PLXNA4: variants seen among roughly 807,000 people sequenced by gnomAD.
PLXNA4 encodes plexin A4.
PLXNA4 carries 44 observed loss-of-function variants against 191.8 expected under a neutral mutation model. That is an observed-to-expected ratio of 0.23 (90% CI 0.18 to 0.29). PLXNA4 has a LOEUF of 0.29. PLXNA4 is among the 10% of genes least tolerant of loss of function. PLXNA4 has a pLI of 1.00. For missense variants in PLXNA4, 1,800 were observed against 2,488.8 expected, an observed-to-expected ratio of 0.72 and a Z score of 5.89; for synonymous variants, 1,082 against 1,009.5, an observed-to-expected ratio of 1.07 and a Z score of -1.36.
intron 2 of PLXNA4, 46 bp downstream of exon 2, chr7:132,507,460 T>C: frequency 6.4e-7 from 1 of 1,552,884 alleles, no homozygotes; most frequent in Non-Finnish European, 8.7e-7. Context: ...GGGGTTCTCA[T>C]CCTACACTCC....
chr7:132,460,516 G>T (rs561498723), intron 3 of PLXNA4, among the ~76,000 whole-genome samples: 1 of 152,302 alleles, frequency 6.6e-6, no homozygotes, highest in East Asian at 1.9e-4. Flanking sequence ...GCTTCCCAGA[G>T]GTTCAGGTGG....
intron 2 of PLXNA4, among the ~76,000 whole-genome samples, chr7:132,626,647 G>A (rs764411298): frequency 3.4e-4 from 52 of 152,266 alleles, no homozygotes; most frequent in Admixed American, 4.6e-4. Context: ...AAAGCTCCCT[G>A]AGCCCTCCCT....
At chr7:132,435,663 T>A (rs1795443948) in intron 3 of PLXNA4, among the ~76,000 whole-genome samples, 1 of 152,166 alleles carries the variant, frequency 6.6e-6, no homozygotes, top group Admixed American at 6.5e-5. Context: ...CCACCTGTGT[T>A]CGGCAACACT....
intron 1 of PLXNA4, among the ~76,000 whole-genome samples, chr7:132,646,482 T>G (rs80229001): frequency 6.6e-6 from 1 of 152,226 alleles, no homozygotes; most frequent in Non-Finnish European, 1.5e-5. Flanking sequence ...GATACGGTCA[T>G]GACAGCAGGG....
At chr7:132,477,916 C>T (rs1344159755) in intron 3 of PLXNA4, among the ~76,000 whole-genome samples, 2 of 152,154 alleles carry the variant, frequency 1.3e-5, no homozygotes, top group Admixed American at 1.3e-4. Context: ...CATTATGAGG[C>T]TATTAATTTT....
At chr7:132,330,590 G>T (rs1802552536) in intron 3 of PLXNA4, among the ~76,000 whole-genome samples, 1 of 152,240 alleles carries the variant, frequency 6.6e-6, no homozygotes, top group African/African-American at 2.4e-5. Flanking sequence ...TTGCACTGGG[G>T]ATCCTGCCCA....
intron 28 of PLXNA4, chr7:132,145,596 G>T (rs548405504): frequency 2.7e-6 from 1 of 363,776 alleles, no homozygotes; most frequent in Admixed American, 4.3e-5. Flanking sequence ...TTTCACAAAT[G>T]CTAATGAACA....
intron 9 of PLXNA4, among the ~76,000 whole-genome samples, chr7:132,213,085 GA>G (rs1797855047): frequency 6.6e-6 from 1 of 152,210 alleles, no homozygotes; most frequent in Non-Finnish European, 1.5e-5. Flanking sequence ...AAAAAGGGAG[GA>G]AACTCTGCTA....
At chr7:132,208,670 G>A (rs1051559755) in intron 10 of PLXNA4, among the ~76,000 whole-genome samples, 14 of 152,246 alleles carry the variant, frequency 9.2e-5, no homozygotes, top group Non-Finnish European at 7.3e-5. Context: ...GCTTCCAGAT[G>A]TGAAATTCCC....
At chr7:132,270,648 T>A (rs915195892) in intron 4 of PLXNA4, among the ~76,000 whole-genome samples, 1 of 152,204 alleles carries the variant, frequency 6.6e-6, no homozygotes, top group East Asian at 1.9e-4. Flanking sequence ...AATACCTCTA[T>A]GAAAATTCAG....
At chr7:132,588,164 G>A (rs552344464) in intron 2 of PLXNA4, among the ~76,000 whole-genome samples, 1 of 152,200 alleles carries the variant, frequency 6.6e-6, no homozygotes, top group African/African-American at 2.4e-5. Context: ...GTGTCAGGTA[G>A]TGTCATCTCA....
At chr7:132,203,455 G>C (rs753577298) in intron 10 of PLXNA4, 36 bp from the exon 11 acceptor site, 1 of 1,588,476 alleles carries the variant, frequency 6.3e-7, no homozygotes, top group Non-Finnish European at 8.6e-7. Flanking sequence ...AGAAGAAAGT[G>C]GGGTCACAGA....
chr7:132,350,716 G>A (rs1256120726), intron 3 of PLXNA4, among the ~76,000 whole-genome samples: 1 of 152,078 alleles, frequency 6.6e-6, no homozygotes, highest in African/African-American at 2.4e-5. Context: ...GGCTGCTTTG[G>A]AAAACAGCCT....
intron 5 of PLXNA4, among the ~76,000 whole-genome samples, chr7:132,238,625 G>C (rs1246110966): frequency 6.6e-6 from 1 of 152,202 alleles, no homozygotes; most frequent in Admixed American, 6.5e-5. Context: ...AACAAGGGCT[G>C]GTGCTACATG....
chr7:132,303,997 G>C (rs1461765599), intron 3 of PLXNA4, among the ~76,000 whole-genome samples: 1 of 152,206 alleles, frequency 6.6e-6, no homozygotes, highest in Admixed American at 6.5e-5. Context: ...TGGCATGCCA[G>C]TGATGAGAGC....
intron 2 of PLXNA4, among the ~76,000 whole-genome samples, chr7:132,615,292 T>C (rs557287621): frequency 6.6e-6 from 1 of 152,076 alleles, no homozygotes; most frequent in African/African-American, 2.4e-5. Flanking sequence ...AGGGGAGTGG[T>C]GGCAGAGGGA....
In PLXNA4 at chr7:132,443,665, C is replaced by T. The variant is rs540733085; in HGVS notation, c.1371+45627G>A. Among the ~76,000 whole-genome samples the T allele has an allele frequency of 2.6e-5, 4 of 152,296 alleles. No individual in the cohort carries two copies. In the South Asian group the frequency reaches 8.3e-4, roughly 32 times the overall value. ...ACTTGGTCTTCCTTTAGACACTTCCCTCTTCATTAACCTCACGTCTGCATC... is the reference window on the plus strand; with the variant it reads ...ACTTGGTCTTCCTTTAGACACTTCCTTCTTCATTAACCTCACGTCTGCATC... On this transcript the variant is annotated intron_variant, in intron 3 of 31. Coordinates refer to ENST00000321063, the MANE Select transcript of PLXNA4 (RefSeq NM_020911.2).
At chr7:132,195,918 C>T (rs1465172535) in intron 13 of PLXNA4, among the ~76,000 whole-genome samples, 3 of 152,172 alleles carry the variant, frequency 2.0e-5, no homozygotes, top group Admixed American at 6.5e-5. Context: ...TTTAACTTTA[C>T]GGCTTCTATG....
In PLXNA4 at chr7:132,508,719, G is replaced by A. The variant is rs1362257770; in HGVS notation, c.-26C>T. ...GGCAGAGGCGGGTCCCAGTGGCACA[G>A]CAGCACTCAGGCACAGTCGTCCCCT... On this transcript the variant is annotated 5_prime_UTR_variant, in exon 2 of 32. Coordinates refer to ENST00000321063, the MANE Select transcript of PLXNA4 (RefSeq NM_020911.2). The surrounding 1 kb of genome is among the most constrained non-coding windows in gnomAD (Gnocchi z 4.4). 6.8e-7 allele frequency: 1 copy of A among 1,480,178 alleles called. No homozygotes were observed. The highest frequency in any genetic ancestry group is 1.4e-5 in the African/African-American group (1 of 71,334). 91.7% of individuals were successfully genotyped at this position (1,480,178 alleles called of 1,614,324 possible). A position where few individuals can be genotyped will look rare whatever the true frequency, so the allele number is the denominator to read the frequency against.
Sources: gnomAD v4.1 joint callset for allele counts (sites outside exome capture counted in the v4.1 genomes callset) on GRCh38, gnomAD v4.1.1 for gene constraint, Gnocchi (gnomAD v3.1) non-coding constraint, MANE v1.5 for transcripts, NCBI Gene and HGNC (gene_info 2026-07-23, HGNC 2026-07-21) for gene names.